NME7: variants seen among roughly 807,000 people sequenced by gnomAD.
NME7 encodes NME/NM23 family member 7, also known as nucleoside diphosphate kinase 7.
A neutral mutation model predicts 49.1 loss-of-function variants in NME7; 41 were observed. The observed-to-expected ratio is 0.83, with a 90% CI of 0.65 to 1.08. NME7 has a LOEUF of 1.08. Ranked by LOEUF, NME7 falls within the 50% of genes least tolerant of loss-of-function variation. NME7 has a pLI of 0.00. For synonymous variants in NME7, 139 were observed against 150.6 expected (o/e 0.92, Z 0.56); for missense variants, 423 against 463.4 (o/e 0.91, Z 0.80).
chr1:169,305,943 T>C (rs1558032121), intron 4 of NME7, among the ~76,000 whole-genome samples: 1 of 152,130 alleles, frequency 6.6e-6, no homozygotes, highest in African/African-American at 2.4e-5. Flanking sequence ...AACATACTAA[T>C]AAAAATATAT....
chr1:169,212,190 T>G (rs2101794815), intron 10 of NME7, among the ~76,000 whole-genome samples: 1 of 152,280 alleles, frequency 6.6e-6, no homozygotes, highest in Admixed American at 6.5e-5. Context: ...CCAGAATATT[T>G]TATTAAATGA....
chr1:169,221,193 A>C (rs1661133283), intron 10 of NME7, among the ~76,000 whole-genome samples: 2 of 152,182 alleles, frequency 1.3e-5, no homozygotes, highest in African/African-American at 2.4e-5. Flanking sequence ...TATTACCACC[A>C]TCCTGGTCCA....
chr1:169,214,354 GTTT>G (rs1360372229), intron 10 of NME7, among the ~76,000 whole-genome samples: 1 of 152,172 alleles, frequency 6.6e-6, no homozygotes. Context: ...GAACAGCCTT[GTTT>G]GAAACATGAC....
At chr1:169,288,028 C>T (rs1187616213) in intron 6 of NME7, among the ~76,000 whole-genome samples, 1 of 152,104 alleles carries the variant, frequency 6.6e-6, no homozygotes, top group African/African-American at 2.4e-5. Flanking sequence ...TATTTAGATG[C>T]TTTCCTGTCT....
chr1:169,328,415 A>G (rs7528142), intron 1 of NME7, among the ~76,000 whole-genome samples: 12,599 of 152,156 alleles, frequency 0.083, 708 homozygotes, highest in Admixed American at 0.19. Context: ...TCCACCTGTG[A>G]CTTTAGAACT....
chr1:169,239,126 T>G (rs935295064), intron 7 of NME7, among the ~76,000 whole-genome samples: 3 of 151,962 alleles, frequency 2.0e-5, no homozygotes, highest in Non-Finnish European at 4.4e-5. Flanking sequence ...AATACAAAAC[T>G]AAAGTAGTAT....
Position 169,282,548 on chromosome 1 carries a change from C to T in NME7, c.754+4755G>A, listed in dbSNP as rs1650066423. 2.0e-5 allele frequency among the ~76,000 whole-genome samples: 3 copies of T among 152,042 alleles called. No homozygotes were observed. The South Asian group carries it at 6.2e-4, about 31-fold the overall frequency. ...TCTTTCAATTTTGATGTTAGGGTAT[C>T]AATTTTAGATCTTTCCTGCTTTCTC... is the stretch of plus-strand genomic sequence containing the variant. On this transcript the variant is annotated intron_variant, in intron 7 of 11. Transcript: ENST00000367811.
At chr1:169,147,637 A>C (rs1658797066) in intron 11 of NME7, among the ~76,000 whole-genome samples, 1 of 151,392 alleles carries the variant, frequency 6.6e-6, no homozygotes, top group Admixed American at 6.6e-5. Context: ...GCAATAAGAA[A>C]GAGTTAATGC....
intron 3 of NME7, among the ~76,000 whole-genome samples, chr1:169,322,635 T>C (rs926279739): frequency 6.6e-6 from 1 of 151,374 alleles, no homozygotes; most frequent in African/African-American, 2.4e-5. Context: ...ACTCACATTG[T>C]CATTTTTCAA....
At chr1:169,247,673 A>C (rs1432448667) in intron 7 of NME7, among the ~76,000 whole-genome samples, 1 of 152,044 alleles carries the variant, frequency 6.6e-6, no homozygotes, top group Non-Finnish European at 1.5e-5. Context: ...AGTCCATCAT[A>C]GAATTCTGTA....
chr1:169,232,976 T>A (rs1180623595), intron 9 of NME7, among the ~76,000 whole-genome samples: 1 of 141,364 alleles, frequency 7.1e-6, no homozygotes, highest in African/African-American at 2.6e-5. Context: ...TGGAGCACAG[T>A]GGCACGATCT....
At chr1:169,342,193 G>A (rs1037614401) in intron 1 of NME7, among the ~76,000 whole-genome samples, 1 of 152,022 alleles carries the variant, frequency 6.6e-6, no homozygotes, top group Non-Finnish European at 1.5e-5. Flanking sequence ...TGGATCATGG[G>A]GGCAGTTTCC....
Position 169,265,590 on chromosome 1 carries a change from A to T in NME7, c.754+21713T>A, listed in dbSNP as rs754710299. ...AGTAGAACTTGAGAACCAAGAACAAACCAACCCCAAAGCTAGCAGAAGACA... is the reference window on the plus strand; with the variant it reads ...AGTAGAACTTGAGAACCAAGAACAATCCAACCCCAAAGCTAGCAGAAGACA... On this transcript the variant is annotated intron_variant, in intron 7 of 11. Transcript: ENST00000367811. 1.1e-4 allele frequency among the ~76,000 whole-genome samples: 14 copies of T among 133,128 alleles called. 4 individuals are homozygous for T. The highest frequency in any genetic ancestry group is 1.8e-4 in the Non-Finnish European group (10 of 56,762). 87.3% of individuals were successfully genotyped at this position (133,128 alleles called of 152,430 possible). A position where few individuals can be genotyped will look rare whatever the true frequency, so the allele number is the denominator to read the frequency against.
chr1:169,296,840 G>A (rs113001761), intron 6 of NME7, among the ~76,000 whole-genome samples: 172 of 152,014 alleles, frequency 1.1e-3, no homozygotes, highest in African/African-American at 3.5e-3. Flanking sequence ...ACCTTCAACC[G>A]TTAATATATA....
intron 11 of NME7, among the ~76,000 whole-genome samples, chr1:169,155,666 G>A (rs1659046388): frequency 6.6e-6 from 1 of 152,014 alleles, no homozygotes; most frequent in South Asian, 2.1e-4. Flanking sequence ...ACAAAACGAT[G>A]ATGATGGGAA....
intron 7 of NME7, among the ~76,000 whole-genome samples, chr1:169,279,658 G>A (rs977154395): frequency 5.9e-5 from 9 of 152,166 alleles, no homozygotes; most frequent in East Asian, 1.9e-4. Context: ...GCAATGCCTC[G>A]CCCTGCTTCG....
chr1:169,328,660 AT>A (rs1652151480), intron 1 of NME7, among the ~76,000 whole-genome samples: 1 of 152,180 alleles, frequency 6.6e-6, no homozygotes. Flanking sequence ...TACTAGGTAA[AT>A]TTTTTTGTAA....
rs1316920630 is a variant in NME7, at chr1:169,250,289, CT to C, written c.755-12603del. Among the ~76,000 whole-genome samples the C allele has an allele frequency of 3.9e-5, 6 of 152,014 alleles. No homozygotes were observed. The East Asian group carries it at 1.2e-3, about 29-fold the overall frequency. ...GGTGTTCACAGTGGTCTCAAATGAT[CT>C]TTTTTATTTCTGTGGGGTTGGTTGT... On this transcript the variant is annotated intron_variant, in intron 7 of 11. Transcript: ENST00000367811.
chr1:169,140,514 A>T (rs1355021154), intron 11 of NME7, among the ~76,000 whole-genome samples: 1 of 152,170 alleles, frequency 6.6e-6, no homozygotes, highest in Non-Finnish European at 1.5e-5. Context: ...TTTAAAAAGG[A>T]CATATGGCCC....
Sources: allele counts gnomAD v4.1 joint callset (sites outside exome capture counted in the v4.1 genomes callset), GRCh38; gene constraint gnomAD v4.1.1; transcripts MANE v1.5; gene names NCBI Gene and HGNC (gene_info 2026-07-23, HGNC 2026-07-21).